THEMIS: variants seen among roughly 807,000 people sequenced by gnomAD.
THEMIS encodes thymocyte selection associated.
In THEMIS, 37 loss-of-function variants were observed where a neutral mutation model predicts 52.6. That is an observed-to-expected ratio of 0.70 (90% CI 0.54 to 0.93). THEMIS has a LOEUF of 0.93. Ranked by LOEUF, THEMIS falls within the 40% of genes least tolerant of loss-of-function variation. THEMIS has a pLI of 0.00. For synonymous variants in THEMIS, 292 were observed against 272.7 expected (o/e 1.07, Z -0.70); for missense variants, 808 against 763.1 (o/e 1.06, Z -0.69).
chr6:127,774,723 A>G (rs927684043), intron 4 of THEMIS, among the ~76,000 whole-genome samples: 3 of 152,178 alleles, frequency 2.0e-5, no homozygotes, highest in Admixed American at 6.5e-5. Flanking sequence ...CTTTCAAAAT[A>G]ACACTTACCA....
At chr6:127,882,976 A>T (rs746160017) in intron 1 of THEMIS, among the ~76,000 whole-genome samples, 1 of 152,016 alleles carries the variant, frequency 6.6e-6, no homozygotes, top group East Asian at 1.9e-4. Context: ...TCATGTTCAT[A>T]TAATACATAA....
intron 4 of THEMIS, among the ~76,000 whole-genome samples, chr6:127,799,995 A>T (rs1184615577): frequency 6.6e-6 from 1 of 152,214 alleles, no homozygotes; most frequent in Non-Finnish European, 1.5e-5. Context: ...TTCTAAAATC[A>T]CAAACGTTCT....
At chr6:127,702,325 ATTC>A in the THEMIS span, among the ~76,000 whole-genome samples, 4 of 152,102 alleles carry the variant, frequency 2.6e-5, no homozygotes, top group African/African-American at 9.7e-5. Flanking sequence ...TTACTTCTTT[ATTC>A]TTCTTGAAAT....
chr6:127,784,200 C>T (rs1368433837), intron 4 of THEMIS, among the ~76,000 whole-genome samples: 9 of 152,074 alleles, frequency 5.9e-5, no homozygotes, highest in Admixed American at 5.9e-4. Context: ...AACACATGGA[C>T]AGACGGAGGG....
At chr6:127,825,650 A>G (rs1778482741) in intron 3 of THEMIS, among the ~76,000 whole-genome samples, 1 of 152,178 alleles carries the variant, frequency 6.6e-6, no homozygotes, top group Admixed American at 6.5e-5. Flanking sequence ...GGATTATTTT[A>G]AATGGAATTC....
chr6:127,776,376 C>T (rs1776565419), intron 4 of THEMIS, among the ~76,000 whole-genome samples: 2 of 152,204 alleles, frequency 1.3e-5, no homozygotes, highest in South Asian at 4.1e-4. Context: ...AAAATGACTA[C>T]AGCTTCTGTC....
intron 1 of THEMIS, among the ~76,000 whole-genome samples, chr6:127,884,207 A>G (rs1048283386): frequency 2.6e-5 from 4 of 152,102 alleles, no homozygotes; most frequent in African/African-American, 7.2e-5. Context: ...CACTTTGTCC[A>G]TACTTCCCAT....
intron 4 of THEMIS, among the ~76,000 whole-genome samples, chr6:127,798,348 ATT>A (rs200320912): frequency 1.3e-5 from 2 of 150,834 alleles, no homozygotes; most frequent in East Asian, 3.9e-4. Context: ...AAGAAACAGA[ATT>A]TTTTTTTTCT....
At chr6:127,761,896 T>C (rs1386663649) in intron 4 of THEMIS, among the ~76,000 whole-genome samples, 2 of 152,116 alleles carry the variant, frequency 1.3e-5, no homozygotes, top group African/African-American at 4.8e-5. Flanking sequence ...CAATCCTACT[T>C]CTGAGTTTTT....
intron 4 of THEMIS, among the ~76,000 whole-genome samples, chr6:127,740,742 A>G (rs1057220032): frequency 6.6e-6 from 1 of 152,194 alleles, no homozygotes; most frequent in African/African-American, 2.4e-5. Flanking sequence ...ATAGCATTAT[A>G]CCTCCAGAGA....
At chr6:127,842,790 G>A (rs1779092693) in intron 2 of THEMIS, among the ~76,000 whole-genome samples, 1 of 151,840 alleles carries the variant, frequency 6.6e-6, no homozygotes, top group African/African-American at 2.4e-5. Context: ...CCCTTATTTG[G>A]GGTTTGTAAG....
At chr6:127,701,999 C>G in the THEMIS span, among the ~76,000 whole-genome samples, 117 of 151,968 alleles carry the variant, frequency 7.7e-4, 2 homozygotes, top group African/African-American at 2.8e-3. Flanking sequence ...TTTTTAATAT[C>G]CTACTCATTC....
intron 2 of THEMIS, among the ~76,000 whole-genome samples, chr6:127,853,221 T>C (rs1449100308): frequency 6.6e-6 from 1 of 151,628 alleles, no homozygotes; most frequent in African/African-American, 2.4e-5. Context: ...CAAAATGTGA[T>C]AAATGCAATG....
the THEMIS span, among the ~76,000 whole-genome samples, chr6:127,699,271 A>G: frequency 2.6e-5 from 4 of 151,610 alleles, no homozygotes; most frequent in Non-Finnish European, 4.4e-5. Flanking sequence ...CACATTTTGC[A>G]GTGTCATAAC....
At chr6:127,832,775 A>ATTTTTTTTTTT (rs1251377975) in intron 2 of THEMIS, among the ~76,000 whole-genome samples, 2 of 54,032 alleles carry the variant, frequency 3.7e-5, no homozygotes, top group Non-Finnish European at 6.5e-5. Context: ...GGATTGTCAG[A>ATTTTTTTTTTT]TCTTTTTTTT....
chr6:127,830,531 CA>C (rs1778664985), intron 2 of THEMIS, among the ~76,000 whole-genome samples: 1 of 151,584 alleles, frequency 6.6e-6, no homozygotes, highest in Non-Finnish European at 1.5e-5. Context: ...ACAAAGAATA[CA>C]AAAATTAGCT....
Position 127,710,034 on chromosome 6 carries a change from A to G in THEMIS, c.1895-18T>C. On this transcript the variant is annotated intron_variant, in intron 5 of 5. Transcript: ENST00000368248. ...GAATGTTTCTATAAATAAAAAAAGA[A>G]GGGTTTATCAGAAATAAGTATTGAA... 6.6e-7 allele frequency: 1 copy of G among 1,521,834 alleles called. No individual in the cohort carries two copies. The highest frequency in any genetic ancestry group is 8.9e-7 in the Non-Finnish European group (1 of 1,118,776). The allele number at this position is 1,521,834 out of a possible 1,614,324, so 94.3% of individuals were successfully genotyped here. A position where few individuals can be genotyped will look rare whatever the true frequency, so the allele number is the denominator to read the frequency against.
intron 4 of THEMIS, among the ~76,000 whole-genome samples, chr6:127,754,142 C>T (rs377075035): frequency 9.2e-5 from 14 of 152,136 alleles, no homozygotes; most frequent in East Asian, 3.9e-4. Flanking sequence ...TTTTTAAATG[C>T]TTTACAAAAC....
intron 1 of THEMIS, among the ~76,000 whole-genome samples, chr6:127,867,781 C>T (rs189235793): frequency 6.6e-6 from 1 of 152,162 alleles, no homozygotes; most frequent in East Asian, 1.9e-4. Flanking sequence ...TATGCTATGC[C>T]TGTAAATTTT....
Sources: gnomAD v4.1 joint callset for allele counts (sites outside exome capture counted in the v4.1 genomes callset) on GRCh38, gnomAD v4.1.1 for gene constraint, MANE v1.5 for transcripts, NCBI Gene and HGNC (gene_info 2026-07-23, HGNC 2026-07-21) for gene names.